The following BRIP1 variants were observed in gnomAD, a reference collection of about 807,000 sequenced individuals.
BRIP1 encodes Fanconi anemia group J protein.
A neutral mutation model predicts 119.7 loss-of-function variants in BRIP1; 88 were observed. The ratio of observed to expected loss-of-function variants is 0.74; its 90% CI spans 0.62 to 0.88. BRIP1 has a LOEUF of 0.88. Among genes scored for constraint, BRIP1 ranks in the 40% least tolerant of loss-of-function variants. The probability of loss-of-function intolerance (pLI) is 0.00; values close to 1 mark genes in which losing one functional copy is unlikely to be tolerated. For synonymous variants in BRIP1, 443 were observed against 496.5 expected (o/e 0.89, Z 1.43); for missense variants, 1,259 against 1,455.4 (o/e 0.87, Z 2.20).
rs2078220277 is a variant in BRIP1, at chr17:61,815,311, C to T, written c.628-6554G>A. On this transcript the variant is annotated intron_variant, in intron 6 of 19. Coordinates refer to ENST00000259008, the MANE Select transcript of BRIP1 (RefSeq NM_032043.3). The surrounding 1 kb of genome is among the most constrained non-coding windows in gnomAD (Gnocchi z 4.1). ...GAAACTACAGACACAATTTTGTGTG[C>T]ATTTTTAGAAAGTGAACCCCTAACT... 6.6e-6 allele frequency among the ~76,000 whole-genome samples: 1 copy of T among 152,088 alleles called. No homozygotes were observed. The highest frequency in any genetic ancestry group is 2.1e-4 in the South Asian group (1 of 4,834).
Position 61,780,760 on chromosome 17 carries a change from C to T in BRIP1, c.1794+80G>A, listed in dbSNP as rs2145087544. The T allele has an allele frequency of 6.8e-7, 1 of 1,478,440 alleles. No homozygotes were observed. The highest frequency in any genetic ancestry group is 9.4e-7 in the Non-Finnish European group (1 of 1,058,248). 91.6% of individuals were successfully genotyped at this position (1,478,440 alleles called of 1,614,324 possible). A position where few individuals can be genotyped will look rare whatever the true frequency, so the allele number is the denominator to read the frequency against. On this transcript the variant is annotated intron_variant, in intron 12 of 19. Transcript: ENST00000259008. This position sits in a 1 kb window ranked among gnomAD's most constrained non-coding sequence, Gnocchi z 5.4. Reference sequence around the variant, plus strand: ...AACAACAACAACAACAAACAACTATCTTTAAAAGAGTCAACCACATTTATT... The same window carrying T: ...AACAACAACAACAACAAACAACTATTTTTAAAAGAGTCAACCACATTTATT...
chr17:61,850,585 T>G (rs2078804738), intron 4 of BRIP1, among the ~76,000 whole-genome samples: 1 of 152,058 alleles, frequency 6.6e-6, no homozygotes, highest in South Asian at 2.1e-4. Flanking sequence ...CCCAGCACTT[T>G]GGAAGGCCGA....
At position 61,808,836 on chromosome 17, in the gene BRIP1, C is replaced by T. The variant is rs1293385462; in HGVS notation, c.628-79G>A. On this transcript the variant is annotated intron_variant, in intron 6 of 19. Coordinates refer to ENST00000259008, the MANE Select transcript of BRIP1 (RefSeq NM_032043.3). The surrounding 1 kb of genome is among the most constrained non-coding windows in gnomAD (Gnocchi z 4.1). ...TATCAAACCTCACATGGAATCAGAA[C>T]CTGTAAGTAATGAATCACAATGGTC... The T allele has an allele frequency of 7.3e-7, 1 of 1,374,468 alleles. No homozygotes were observed. Among genetic ancestry groups the T allele is most frequent in the Non-Finnish European group, 1.0e-6 (1 of 982,644 alleles). The allele number at this position is 1,374,468 out of a possible 1,614,324, so 85.1% of individuals were successfully genotyped here. A position where few individuals can be genotyped will look rare whatever the true frequency, so the allele number is the denominator to read the frequency against.
rs908854168 is a variant in BRIP1 at position 61,751,011 on chromosome 17, G to C, written c.2098-6420C>G. 1.3e-5 allele frequency among the ~76,000 whole-genome samples: 2 copies of C among 152,224 alleles called. No homozygotes were observed. The highest frequency in any genetic ancestry group is 3.9e-4 in the East Asian group (2 of 5,180). On this transcript the variant is annotated intron_variant, in intron 14 of 19. Transcript: ENST00000259008. This position sits in a 1 kb window ranked among gnomAD's most constrained non-coding sequence, Gnocchi z 6.7. Reference sequence around the variant, plus strand: ...TAACCCCAAATATCTGAAAGTACTAGGATCCAAACAAACAGCTGTATGCTG... The same window carrying C: ...TAACCCCAAATATCTGAAAGTACTACGATCCAAACAAACAGCTGTATGCTG...
In BRIP1 at chr17:61,757,179, C is replaced by T. The variant is rs1406419158; in HGVS notation, c.2098-12588G>A. Among the ~76,000 whole-genome samples the T allele has an allele frequency of 6.6e-6, 1 of 152,188 alleles. No individual in the cohort carries two copies. Among genetic ancestry groups the T allele is most frequent in the East Asian group, 1.9e-4 (1 of 5,188 alleles). ...AAAAGTAGTAGTGTTTTTTAAATAA[C>T]TTTTTTAGTTACAGTAAAAATGAAT... On this transcript the variant is annotated intron_variant, in intron 14 of 19. Transcript: ENST00000259008. The surrounding 1 kb of genome is among the most constrained non-coding windows in gnomAD (Gnocchi z 4.3).
chr17:61,812,354 T>C (rs2145455136), intron 6 of BRIP1, among the ~76,000 whole-genome samples: 1 of 152,270 alleles, frequency 6.6e-6, no homozygotes, highest in South Asian at 2.1e-4. Context: ...GATTTCCTTT[T>C]CTCCAGGAAA....
rs2078968007 is a variant in BRIP1 at position 61,861,214 on chromosome 17, G to C, written c.93+233C>G. 6.6e-6 allele frequency among the ~76,000 whole-genome samples: 1 copy of C among 152,088 alleles called. No homozygotes were observed. On this transcript the variant is annotated intron_variant, in intron 2 of 19. Coordinates refer to ENST00000259008, the MANE Select transcript of BRIP1 (RefSeq NM_032043.3). This position sits in a 1 kb window ranked among gnomAD's most constrained non-coding sequence, Gnocchi z 4.5. ...ATAGCAGTTTTTCATTAAAAGTATA[G>C]AAATTCCAAATGAGCTGAGAACATT...
In BRIP1 at chr17:61,725,744, C is replaced by T. The variant is rs975407682; in HGVS notation, c.2380-9681G>A. On this transcript the variant is annotated intron_variant, in intron 16 of 19. Transcript: ENST00000259008. This position sits in a 1 kb window ranked among gnomAD's most constrained non-coding sequence, Gnocchi z 5.3. The stretch of plus-strand genomic sequence containing the variant: ...TCAAGCAATCATTCTGCTTCAGCCT[C>T]CTCAGTAGCTAGGACTTACAGATAC... Among the ~76,000 whole-genome samples, 1 of 152,080 alleles carries T rather than the reference C, an allele frequency of 6.6e-6. No individual in the cohort carries two copies. The highest frequency in any genetic ancestry group is 1.5e-5 in the Non-Finnish European group (1 of 68,022).
rs979293657 is a variant in BRIP1 at position 61,730,173 on chromosome 17, G to A, written c.2379+12840C>T. ...CCAAGCTTTCAAGCCTTTAATCCTA[G>A]GGAAAAACAGGAAAGAGTGATGTTG... is the stretch of plus-strand genomic sequence containing the variant. On this transcript the variant is annotated intron_variant, in intron 16 of 19. Transcript: ENST00000259008. This position sits in a 1 kb window ranked among gnomAD's most constrained non-coding sequence, Gnocchi z 4.3. 5.3e-5 allele frequency among the ~76,000 whole-genome samples: 8 copies of A among 151,956 alleles called. 1 individual carries two copies. Among genetic ancestry groups the A allele is most frequent in the Non-Finnish European group, 2.9e-5 (2 of 67,996 alleles).
intron 3 of BRIP1, among the ~76,000 whole-genome samples, chr17:61,858,003 A>T (rs1207135605): frequency 6.6e-6 from 1 of 152,164 alleles, no homozygotes. Flanking sequence ...CTTCTATTTC[A>T]AATAGAAACA....
At chr17:61,712,232 T>C (rs571637124) in intron 17 of BRIP1, among the ~76,000 whole-genome samples, 7 of 152,216 alleles carry the variant, frequency 4.6e-5, no homozygotes, top group East Asian at 1.9e-4. Flanking sequence ...TTCTTTTTTT[T>C]AGATGGAGTC....
At position 61,780,505 on chromosome 17, in the gene BRIP1, A is replaced by T; in HGVS notation, c.1795-104T>A. ...CACTTTGGGAGGCTGAAGCAGGAAGATCGCTTGAGTCTAGGAGTCTGAGAC... is the reference window on the plus strand; with the variant it reads ...CACTTTGGGAGGCTGAAGCAGGAAGTTCGCTTGAGTCTAGGAGTCTGAGAC... On this transcript the variant is annotated intron_variant, in intron 12 of 19. Coordinates refer to ENST00000259008, the MANE Select transcript of BRIP1 (RefSeq NM_032043.3). This position sits in a 1 kb window ranked among gnomAD's most constrained non-coding sequence, Gnocchi z 5.4. 1 of 1,055,164 alleles carries T rather than the reference A, an allele frequency of 9.5e-7. No homozygotes were observed. Among genetic ancestry groups the T allele is most frequent in the East Asian group, 2.4e-5 (1 of 41,352 alleles). 65.4% of individuals were successfully genotyped at this position (1,055,164 alleles called of 1,614,324 possible). A position where few individuals can be genotyped will look rare whatever the true frequency, so the allele number is the denominator to read the frequency against.
In BRIP1 at chr17:61,743,271, A is replaced by T; in HGVS notation, c.2258-137T>A. ...TCAAAATAAAACACTATTATGAGAT[A>T]AAGTTTTAAAAGTTCAATGTCTTTA... On this transcript the variant is annotated intron_variant, in intron 15 of 19. Coordinates refer to ENST00000259008, the MANE Select transcript of BRIP1 (RefSeq NM_032043.3). This position sits in a 1 kb window ranked among gnomAD's most constrained non-coding sequence, Gnocchi z 4.3. 3.5e-6 allele frequency: 4 copies of T among 1,145,298 alleles called. No individual in the cohort carries two copies. Among genetic ancestry groups the T allele is most frequent in the Non-Finnish European group, 5.0e-6 (4 of 801,024 alleles). The allele number at this position is 1,145,298 out of a possible 1,614,324, so 70.9% of individuals were successfully genotyped here. A position where few individuals can be genotyped will look rare whatever the true frequency, so the allele number is the denominator to read the frequency against.
At chr17:61,801,528 T>G in intron 7 of BRIP1, 54 bp from the exon 8 acceptor site, 2 of 1,418,772 alleles carry the variant, frequency 1.4e-6, no homozygotes, top group Non-Finnish European at 2.0e-6. Context: ...ATAGAAGGAA[T>G]AAAATAAGCT....
In BRIP1 at chr17:61,684,469, T is replaced by C. The variant is rs147266639; in HGVS notation, c.2906-329A>G. ...AAAGGAGGGAACAGGCTGTAAACATTTGCCTTGAAAATCCACTAACCAGTG... is the reference window on the plus strand; with the variant it reads ...AAAGGAGGGAACAGGCTGTAAACATCTGCCTTGAAAATCCACTAACCAGTG... On this transcript the variant is annotated intron_variant, in intron 19 of 19. Coordinates refer to ENST00000259008, the MANE Select transcript of BRIP1 (RefSeq NM_032043.3). This position sits in a 1 kb window ranked among gnomAD's most constrained non-coding sequence, Gnocchi z 4.5. 3.9e-5 allele frequency among the ~76,000 whole-genome samples: 6 copies of C among 152,264 alleles called. No homozygotes were observed. Among genetic ancestry groups the C allele is most frequent in the Non-Finnish European group, 8.8e-5 (6 of 68,026 alleles).
Position 61,841,033 on chromosome 17 carries a change from A to C in BRIP1, c.627+6068T>G, listed in dbSNP as rs2078650468. Among the ~76,000 whole-genome samples, 2 of 152,144 alleles carry C rather than the reference A, an allele frequency of 1.3e-5. No homozygotes were observed. Among genetic ancestry groups the C allele is most frequent in the African/African-American group, 4.8e-5 (2 of 41,438 alleles). ...GGATGTCCATATGCAAAAGGAAAAA[A>C]CTAGATCCCTCTCACCATCTACAAA... On this transcript the variant is annotated intron_variant, in intron 6 of 19. Transcript: ENST00000259008. This position sits in a 1 kb window ranked among gnomAD's most constrained non-coding sequence, Gnocchi z 4.1.
At chr17:61,786,077 G>A (rs1035601512) in intron 10 of BRIP1, among the ~76,000 whole-genome samples, 5 of 152,078 alleles carry the variant, frequency 3.3e-5, no homozygotes, top group East Asian at 1.9e-4. Flanking sequence ...ATACATACAC[G>A]TGATGATATC....
rs2144091368 is a variant in BRIP1, at chr17:61,684,034, G to A, written c.3012C>T (p.Ser1004=). 6.2e-7 allele frequency: 1 copy of A among 1,614,010 alleles called. No homozygotes were observed. Among genetic ancestry groups the A allele is most frequent in the Non-Finnish European group, 8.5e-7 (1 of 1,179,966 alleles). ...TAAAATACTGTCCCAAAGAATTAAAGCTTGACCAGCTAACTCTCTTTGTTT... is the reference window on the plus strand; with the variant it reads ...TAAAATACTGTCCCAAAGAATTAAAACTTGACCAGCTAACTCTCTTTGTTT... The part of the protein sequence containing the change: ...NKQTKRVSWS[S]FNSLGQYFTG... The change falls in exon 20 of 20, where the codon AGC becomes AGT. Residue 1004 remains serine, a synonymous_variant. Coordinates refer to ENST00000259008, the MANE Select transcript of BRIP1 (RefSeq NM_032043.3). This position sits in a 1 kb window ranked among gnomAD's most constrained non-coding sequence, Gnocchi z 4.5.
At position 61,823,372 on chromosome 17, in the gene BRIP1, T is replaced by G. The variant is rs538116948; in HGVS notation, c.628-14615A>C. ...ATATGAAACAGTACTTTTCAGACAC[T>G]GAATTGTGATCTCAGAGAAAAGGAA... On this transcript the variant is annotated intron_variant, in intron 6 of 19. Coordinates refer to ENST00000259008, the MANE Select transcript of BRIP1 (RefSeq NM_032043.3). The surrounding 1 kb of genome is among the most constrained non-coding windows in gnomAD (Gnocchi z 4.8). Among the ~76,000 whole-genome samples the G allele has an allele frequency of 3.3e-5, 5 of 152,346 alleles. No homozygotes were observed. Among genetic ancestry groups the G allele is most frequent in the Non-Finnish European group, 5.9e-5 (4 of 68,040 alleles).
Sources: gnomAD v4.1 joint callset for allele counts (sites outside exome capture counted in the v4.1 genomes callset) on GRCh38, gnomAD v4.1.1 for gene constraint, Gnocchi (gnomAD v3.1) non-coding constraint, MANE v1.5 for transcripts, NCBI Gene and HGNC (gene_info 2026-07-23, HGNC 2026-07-21) for gene names.